PKP4: variants seen among roughly 807,000 people sequenced by gnomAD.
PKP4 encodes the protein plakophilin 4, also known as plakophilin-4.
PKP4 carries 90 observed loss-of-function variants against 145.1 expected under a neutral mutation model. The observed-to-expected ratio is 0.62, with a 90% CI of 0.52 to 0.74. The LOEUF is 0.74. Ranked by LOEUF, PKP4 falls within the 30% of genes least tolerant of loss-of-function variation. The pLI is 0.00. For missense variants in PKP4, 1,340 were observed against 1,482.7 expected (o/e 0.90, Z 1.58); for synonymous variants, 563 against 577.2 (o/e 0.98, Z 0.35).
chr2:158,679,886 G>A (rs1575165920), intron 21 of PKP4, among the ~76,000 whole-genome samples: 2 of 152,212 alleles, frequency 1.3e-5, no homozygotes, highest in African/African-American at 4.8e-5. Flanking sequence ...AAGTGTGACT[G>A]TTGTTCACCT....
At chr2:158,483,486 G>C (rs1480233241) in intron 1 of PKP4, among the ~76,000 whole-genome samples, 1 of 151,754 alleles carries the variant, frequency 6.6e-6, no homozygotes, top group African/African-American at 2.4e-5. Flanking sequence ...GTCATGAATT[G>C]ACAGCTGGTC....
At chr2:158,645,405 G>A (rs1428893394) in intron 11 of PKP4, among the ~76,000 whole-genome samples, 1 of 152,168 alleles carries the variant, frequency 6.6e-6, no homozygotes, top group Non-Finnish European at 1.5e-5. Flanking sequence ...AATTTACCCT[G>A]AGCCTACTGT....
intron 1 of PKP4, among the ~76,000 whole-genome samples, chr2:158,506,345 C>G (rs749407478): frequency 8.5e-5 from 13 of 152,140 alleles, no homozygotes; most frequent in Non-Finnish European, 1.5e-4. Context: ...ATCAGTGCTC[C>G]CTCCCAAGGG....
At chr2:158,629,878 C>T (rs1328371817) in intron 7 of PKP4, among the ~76,000 whole-genome samples, 2 of 152,128 alleles carry the variant, frequency 1.3e-5, no homozygotes, top group South Asian at 2.1e-4. Context: ...GGATTACAGG[C>T]GCCTGCCACC....
chr2:158,586,380 T>C (rs925758269), intron 3 of PKP4, among the ~76,000 whole-genome samples: 14 of 152,218 alleles, frequency 9.2e-5, no homozygotes, highest in African/African-American at 3.1e-4. Context: ...CTTTGCTTCT[T>C]CTTTTAATAA....
intron 1 of PKP4, among the ~76,000 whole-genome samples, chr2:158,508,259 G>A (rs2041175640): frequency 6.6e-6 from 1 of 151,602 alleles, no homozygotes; most frequent in African/African-American, 2.4e-5. Flanking sequence ...CAGTTACTTG[G>A]GAGGCTGAGG....
At chr2:158,664,801 A>C (rs971198311) in intron 15 of PKP4, among the ~76,000 whole-genome samples, 23 of 152,292 alleles carry the variant, frequency 1.5e-4, no homozygotes, top group Admixed American at 3.3e-4. Flanking sequence ...ACCTCCCTAA[A>C]ATAAAGTGAA....
intron 2 of PKP4, among the ~76,000 whole-genome samples, chr2:158,535,654 A>G (rs2043973097): frequency 6.6e-6 from 1 of 152,136 alleles, no homozygotes; most frequent in African/African-American, 2.4e-5. Flanking sequence ...TCCTGGCCGC[A>G]TGCAGTCCTC....
intron 1 of PKP4, among the ~76,000 whole-genome samples, chr2:158,508,726 T>C (rs546054673): frequency 2.0e-5 from 3 of 152,354 alleles, no homozygotes; most frequent in South Asian, 2.1e-4. Flanking sequence ...GTAATTCTTA[T>C]GAATTGTGAG....
chr2:158,580,909 G>A (rs2048276493), intron 3 of PKP4, among the ~76,000 whole-genome samples: 1 of 152,184 alleles, frequency 6.6e-6, no homozygotes, highest in Non-Finnish European at 1.5e-5. Context: ...CCCTGTGCAT[G>A]TTAGCTGCTC....
In PKP4 at chr2:158,666,526, G is replaced by A; in HGVS notation, c.2691G>A (p.Arg897=). 1.2e-6 allele frequency: 2 copies of A among 1,613,380 alleles called. No individual in the cohort carries two copies. The highest frequency in any genetic ancestry group is 8.5e-7 in the Non-Finnish European group (1 of 1,179,722). Residue 897 remains arginine (R), a synonymous_variant, in exon 16 of 22, where the codon AGG becomes AGA. Transcript: ENST00000389759. Reference sequence around the variant, plus strand: ...TTTCTTCCGTGGCAACAGCCTTGAGGAATATGGCACTAGATGTTCGCAACA... The same window carrying A: ...TTTCTTCCGTGGCAACAGCCTTGAGAAATATGGCACTAGATGTTCGCAACA... ...RVVSSVATAL[R]NMALDVRNKE... is the part of the protein sequence containing the mutation.
chr2:158,634,232 C>T lies in PKP4; in HGVS notation c.1505C>T (p.Pro502Leu), dbSNP rs758152020. The stretch of plus-strand genomic sequence containing the variant: ...TATAACAGGCTTCAGCATGCAGTGC[C>T]GGCTGATGATGGCACCACAAGATCC... ...CNYNRLQHAV[P>L]ADDGTTRSPS... The change falls in exon 9 of 22, where the codon CCG becomes CTG. Residue 502 changes from proline to leucine, a missense_variant. Physicochemically the swap from Pro to Leu is moderately conservative, Grantham distance 98. Transcript: ENST00000389759. The T allele has an allele frequency of 1.5e-5, 25 of 1,613,954 alleles. No homozygotes were observed. Among genetic ancestry groups the T allele is most frequent in the South Asian group, 4.4e-5 (4 of 91,076 alleles).
At chr2:158,500,071 C>T (rs1347453252) in intron 1 of PKP4, among the ~76,000 whole-genome samples, 1 of 152,180 alleles carries the variant, frequency 6.6e-6, no homozygotes. Flanking sequence ...CTTTTATGGA[C>T]AGTATATAAG....
rs547065691 is a variant in PKP4 at position 158,589,962 on chromosome 2, A to G, written c.245+12579A>G. 3.3e-5 allele frequency among the ~76,000 whole-genome samples: 5 copies of G among 152,272 alleles called. No homozygotes were observed. In the East Asian group the frequency reaches 9.7e-4, roughly 29 times the overall value. Reference sequence around the variant, plus strand: ...TCAGCAGTTAATCAGCTTGTCGTAAAAATGTACATGGCATGTCTGCCTAGG... The same window carrying G: ...TCAGCAGTTAATCAGCTTGTCGTAAGAATGTACATGGCATGTCTGCCTAGG... On this transcript the variant is annotated intron_variant, in intron 3 of 21. Transcript: ENST00000389759.
At chr2:158,647,076 C>T (rs998516451) in intron 11 of PKP4, among the ~76,000 whole-genome samples, 1 of 152,206 alleles carries the variant, frequency 6.6e-6, no homozygotes. Flanking sequence ...GCTCTGAACT[C>T]AGGCTGAAGG....
At chr2:158,484,925 G>T (rs1474930631) in intron 1 of PKP4, among the ~76,000 whole-genome samples, 1 of 152,200 alleles carries the variant, frequency 6.6e-6, no homozygotes, top group South Asian at 2.1e-4. Context: ...AATGGTACAG[G>T]ATTTTGTTAC....
chr2:158,615,667 C>T (rs2051533493), intron 4 of PKP4, among the ~76,000 whole-genome samples: 1 of 152,016 alleles, frequency 6.6e-6, no homozygotes, highest in African/African-American at 2.4e-5. Flanking sequence ...TTAGTTTAGT[C>T]ATTGTGGAAA....
intron 1 of PKP4, among the ~76,000 whole-genome samples, chr2:158,505,112 C>T (rs1448319786): frequency 6.6e-6 from 1 of 152,178 alleles, no homozygotes; most frequent in South Asian, 2.1e-4. Flanking sequence ...CTGCTTACTT[C>T]ATGAGGATGT....
intron 6 of PKP4, among the ~76,000 whole-genome samples, chr2:158,622,835 T>G (rs1390859965): frequency 6.6e-6 from 1 of 152,222 alleles, no homozygotes; most frequent in Non-Finnish European, 1.5e-5. Flanking sequence ...AGCTCTGGAC[T>G]AAATGCTAAT....
Sources: gnomAD v4.1 joint callset for allele counts (sites outside exome capture counted in the v4.1 genomes callset) on GRCh38, gnomAD v4.1.1 for gene constraint, MANE v1.5 for transcripts, NCBI Gene and HGNC (gene_info 2026-07-23, HGNC 2026-07-21) for gene names.